LAMC3: variants seen among roughly 807,000 people sequenced by gnomAD.
LAMC3 encodes the protein laminin subunit gamma 3.
A neutral mutation model predicts 173.8 loss-of-function variants in LAMC3; 128 were observed. The observed-to-expected ratio is 0.74, with a 90% CI of 0.64 to 0.85. The LOEUF (loss-of-function observed/expected upper bound fraction) is 0.85. Among genes scored for constraint, LAMC3 ranks in the 40% least tolerant of loss-of-function variants. LAMC3 has a pLI of 0.00. For synonymous variants in LAMC3, 897 were observed against 909.1 expected, an observed-to-expected ratio of 0.99 and a Z score of 0.24; for missense variants, 2,022 against 2,156.0, an observed-to-expected ratio of 0.94 and a Z score of 1.23.
chr9:131,045,313 T>A (rs1834134260), intron 7 of LAMC3, among the ~76,000 whole-genome samples: 1 of 151,976 alleles, frequency 6.6e-6, no homozygotes, highest in African/African-American at 2.4e-5. Flanking sequence ...ACTGTGGTAA[T>A]GTCAGATGTC....
At chr9:131,033,508 G>A (rs1833885506) in intron 3 of LAMC3, among the ~76,000 whole-genome samples, 1 of 152,128 alleles carries the variant, frequency 6.6e-6, no homozygotes, top group South Asian at 2.1e-4. Flanking sequence ...CTGGGTGGAG[G>A]GCAGGCGGGT....
At chr9:131,079,446 C>T (rs1035439767) in intron 23 of LAMC3, 148 bp downstream of exon 23, 1 of 926,002 alleles carries the variant, frequency 1.1e-6, no homozygotes, top group Non-Finnish European at 1.7e-6. Context: ...TGTAATCCCA[C>T]CACTTTGGGA....
intron 3 of LAMC3, among the ~76,000 whole-genome samples, 171 bp from the exon 4 acceptor site, chr9:131,035,995 G>A (rs902034754): frequency 6.6e-6 from 1 of 152,180 alleles, no homozygotes; most frequent in Non-Finnish European, 1.5e-5. Context: ...CACCAGTACA[G>A]TCAGTTCTCT....
Position 131,067,202 on chromosome 9 carries a change from A to C in LAMC3, c.2590A>C (p.Met864Leu), listed in dbSNP as rs760455223. The stretch of plus-strand genomic sequence containing the variant: ...GGCCCCTCGACCCGCAGACAAATGC[A>C]TGCGTGAGTACCTACCTCCAGACCC... Reference protein sequence around the residue: ...ALAPRPADKCMPCSCHPQGSV... With the variant: ...ALAPRPADKCLPCSCHPQGSV... Residue 864 changes from methionine (M) to leucine (L), a missense_variant, in exon 14 of 28, where the codon ATG becomes CTG. Met to Leu is a conservative substitution (Grantham distance 15, BLOSUM62 2). Coordinates refer to ENST00000361069, the MANE Select transcript of LAMC3 (RefSeq NM_006059.4). 6.2e-7 allele frequency: 1 copy of C among 1,613,152 alleles called. No individual in the cohort carries two copies. Among genetic ancestry groups the C allele is most frequent in the South Asian group, 1.1e-5 (1 of 91,070 alleles).
At chr9:131,060,877 C>T in intron 12 of LAMC3, among the ~76,000 whole-genome samples, 158 bp from the exon 13 acceptor site, 1 of 152,118 alleles carries the variant, frequency 6.6e-6, no homozygotes, top group Non-Finnish European at 1.5e-5. Context: ...GGTCCAGCTC[C>T]AGGCCTGGAC....
intron 7 of LAMC3, among the ~76,000 whole-genome samples, chr9:131,044,950 C>T (rs996365706): frequency 6.6e-6 from 1 of 152,040 alleles, no homozygotes; most frequent in Non-Finnish European, 1.5e-5. Context: ...TCGCTGGGCG[C>T]GGTGGCTCAA....
At chr9:131,055,714 C>T (rs1319173545) in intron 11 of LAMC3, among the ~76,000 whole-genome samples, 4 of 151,778 alleles carry the variant, frequency 2.6e-5, no homozygotes, top group African/African-American at 7.3e-5. Flanking sequence ...CTCGAGCCAC[C>T]GCGCCCGGCC....
At chr9:131,062,706 T>A (rs1829854289) in intron 13 of LAMC3, among the ~76,000 whole-genome samples, 1 of 151,594 alleles carries the variant, frequency 6.6e-6, no homozygotes. Context: ...TCGTCTCTAC[T>A]AAAAATACAA....
At chr9:131,065,974 C>T (rs4740404) in intron 13 of LAMC3, among the ~76,000 whole-genome samples, 34,657 of 152,102 alleles carry the variant, frequency 0.23, 4,677 homozygotes, top group Middle Eastern at 0.3. Flanking sequence ...CTTTGCGAGG[C>T]CTGAGGTCAG....
intron 13 of LAMC3, among the ~76,000 whole-genome samples, chr9:131,063,466 C>T (rs1382091004): frequency 6.6e-6 from 1 of 152,204 alleles, no homozygotes; most frequent in Non-Finnish European, 1.5e-5. Flanking sequence ...GAGGGAGGGA[C>T]ACCTGGAGTG....
chr9:131,058,900 AG>A lies in LAMC3; in HGVS notation c.2158+1754del, dbSNP rs200807512. Among the ~76,000 whole-genome samples the A allele has an allele frequency of 1.3e-3, 178 of 140,740 alleles. 15 individuals are homozygous for A. Among genetic ancestry groups the A allele is most frequent in the Middle Eastern group, 3.6e-3 (1 of 274 alleles). The allele number at this position is 140,740 out of a possible 152,430, so 92.3% of individuals were successfully genotyped here. A position where few individuals can be genotyped will look rare whatever the true frequency, so the allele number is the denominator to read the frequency against. On this transcript the variant is annotated intron_variant, in intron 12 of 27. Coordinates refer to ENST00000361069, the MANE Select transcript of LAMC3 (RefSeq NM_006059.4). ...CAAGAGCAAGACTCCAGAGGAAAAA[AG>A]AAAAAAAAAAAGAAGAGGCCAGACT...
chr9:131,071,462 C>CT lies in LAMC3; in HGVS notation c.3070-18dup, dbSNP rs34910694. The CT allele has an allele frequency of 0.39, 622,375 of 1,610,520 alleles. 124,034 individuals carry two copies. The highest frequency in any genetic ancestry group is 0.45 in the Middle Eastern group (2,735 of 6,052). On this transcript the variant is annotated intron_variant, in intron 17 of 27. Transcript: ENST00000361069. The stretch of plus-strand genomic sequence containing the variant: ...CCTCCATGCCACCAGCCTCATACAC[C>CT]TTTTCTTCCTGTCCTCTCCAGGCAG...
At position 131,036,155 on chromosome 9, in the gene LAMC3, T is replaced by A; in HGVS notation, c.810-11T>A. On this transcript the variant is annotated splice_polypyrimidine_tract_variant and intron_variant, in intron 3 of 27. Coordinates refer to ENST00000361069, the MANE Select transcript of LAMC3 (RefSeq NM_006059.4). ...CTGCGGGTCCCCTTCCTCCTCTGTG[T>A]CTTTTCCCAGGTGCAAGTGCAACGG... 2.5e-6 allele frequency: 4 copies of A among 1,613,128 alleles called. No individual in the cohort carries two copies. The highest frequency in any genetic ancestry group is 3.4e-6 in the Non-Finnish European group (4 of 1,179,900).
intron 1 of LAMC3, among the ~76,000 whole-genome samples, chr9:131,012,837 A>AG (rs1641561244): frequency 6.6e-6 from 1 of 152,196 alleles, no homozygotes; most frequent in South Asian, 2.1e-4. Context: ...GAATGGGGTG[A>AG]GGGGCAGGGA....
intron 12 of LAMC3, among the ~76,000 whole-genome samples, chr9:131,059,825 GAGCCT>G (rs956423615): frequency 6.6e-6 from 1 of 152,258 alleles, no homozygotes; most frequent in Non-Finnish European, 1.5e-5. Context: ...GAGGAGGAAT[GAGCCT>G]ATGGGTGCTG....
chr9:131,014,571 G>C (rs370956761), intron 1 of LAMC3, among the ~76,000 whole-genome samples: 1 of 152,238 alleles, frequency 6.6e-6, no homozygotes, highest in East Asian at 1.9e-4. Flanking sequence ...TGGGCTGCCA[G>C]AGGGAATGCC....
intron 1 of LAMC3, among the ~76,000 whole-genome samples, chr9:131,015,866 C>T (rs1330217435): frequency 1.3e-5 from 2 of 152,128 alleles, no homozygotes; most frequent in Admixed American, 6.5e-5. Flanking sequence ...CCATGTTGGC[C>T]AGACTGGTCT....
chr9:131,077,266 G>T lies in LAMC3; in HGVS notation c.3709G>T (p.Ala1237Ser), dbSNP rs759159746. The T allele has an allele frequency of 1.2e-6, 2 of 1,614,000 alleles. No individual in the cohort carries two copies. The highest frequency in any genetic ancestry group is 8.5e-7 in the Non-Finnish European group (1 of 1,180,034). The change falls in exon 22 of 28, where the codon GCC (alanine) becomes TCC (serine). Residue 1237 changes from alanine (A) to serine (S), a missense_variant. By Grantham distance (99) the Ala-to-Ser change is moderately conservative (BLOSUM62 1). Transcript: ENST00000361069. Reference protein sequence around the residue: ...EVLPEAESVLATVQQVGADTA... With the variant: ...EVLPEAESVLSTVQQVGADTA... ...GCTGCCTGAAGCGGAAAGCGTGTTG[G>T]CCACCGTGCAGCAAGTTGGCGCAGA...
At position 131,066,817 on chromosome 9, in the gene LAMC3, C is replaced by T. The variant is rs1829942526; in HGVS notation, c.2348-143C>T. The T allele has an allele frequency of 3.6e-6, 4 of 1,106,848 alleles. No individual in the cohort carries two copies. In the South Asian group the frequency reaches 5.7e-5, roughly 16 times the overall value. The allele number at this position is 1,106,848 out of a possible 1,614,324, so 68.6% of individuals were successfully genotyped here. On this transcript the variant is annotated intron_variant, in intron 13 of 27. Transcript: ENST00000361069. ...AGGACCACACAGCTGTGGGCAGCCACTGGGGGCCGGTCCCAGGTCCTCCTG... is the reference window on the plus strand; with the variant it reads ...AGGACCACACAGCTGTGGGCAGCCATTGGGGGCCGGTCCCAGGTCCTCCTG...
Sources: allele counts gnomAD v4.1 joint callset (sites outside exome capture counted in the v4.1 genomes callset), GRCh38; gene constraint gnomAD v4.1.1; transcripts MANE v1.5; gene names NCBI Gene and HGNC (gene_info 2026-07-23, HGNC 2026-07-21).